FZR1: variants seen among roughly 807,000 people sequenced by gnomAD.
The protein encoded by FZR1 is fizzy and cell division cycle 20 related 1.
A neutral mutation model predicts 63.6 loss-of-function variants in FZR1; 11 were observed. The observed-to-expected ratio is 0.17, with a 90% CI of 0.11 to 0.29. FZR1 has a LOEUF of 0.29. Among genes scored for constraint, FZR1 ranks in the 10% least tolerant of loss-of-function variants. FZR1 has a pLI of 1.00. For missense variants in FZR1, 440 were observed against 687.5 expected (o/e 0.64, Z 4.03); for synonymous variants, 328 against 297.9 (o/e 1.10, Z -1.04).
At chr19:3,509,397 T>C (rs1170364728) in intron 1 of FZR1, among the ~76,000 whole-genome samples, 6 of 152,232 alleles carry the variant, frequency 3.9e-5, no homozygotes, top group Non-Finnish European at 8.8e-5. Flanking sequence ...CTCTCTTGGC[T>C]TCCTACTCCG....
intron 10 of FZR1, 80 bp downstream of exon 10, chr19:3,532,175 T>A: frequency 1.5e-6 from 2 of 1,357,074 alleles, no homozygotes; most frequent in Non-Finnish European, 2.0e-6. Context: ...GAGCCTGGGC[T>A]GGGGCGGGCG....
chr19:3,530,929 A>AC, intron 8 of FZR1, 72 bp downstream of exon 8: 1 of 1,215,902 alleles, frequency 8.2e-7, no homozygotes, highest in Admixed American at 1.9e-5. Flanking sequence ...GGCCTTGAAG[A>AC]CCCAGAGGGT....
rs1412226045 is a variant in FZR1, at chr19:3,536,463, TTAAA to T, written c.*1631_*1634del. 5 of 152,188 alleles carry T rather than the reference TTAAA, an allele frequency of 3.3e-5. No homozygotes were observed. The highest frequency in any genetic ancestry group is 3.3e-4 in the Admixed American group (5 of 15,286). The allele number at this position is 152,188 out of a possible 1,614,324, so 9.4% of individuals were successfully genotyped here. On this transcript the variant is annotated 3_prime_UTR_variant, in exon 14 of 14. Transcript: ENST00000441788. ...TCACGGTCTTACTGTTTCAAGGTTT[TTAAA>T]TAAGAAAACCAACCCTGCCTTCGCC...
chr19:3,508,751 G>A (rs958157254), intron 1 of FZR1, among the ~76,000 whole-genome samples: 4 of 152,218 alleles, frequency 2.6e-5, no homozygotes, highest in African/African-American at 9.6e-5. Context: ...CTGGCGCAAA[G>A]CTCTCCACTG....
At chr19:3,509,976 A>G (rs1482116456) in intron 1 of FZR1, among the ~76,000 whole-genome samples, 2 of 151,336 alleles carry the variant, frequency 1.3e-5, no homozygotes, top group East Asian at 3.9e-4. Context: ...TGGTGCCTCC[A>G]CTCGCCGGCT....
At position 3,514,506 on chromosome 19, in the gene FZR1, C is replaced by T. The variant is rs571266661; in HGVS notation, c.-35+8032C>T. The stretch of plus-strand genomic sequence containing the variant: ...GACAACCACAGATGTCCCCAGACAT[C>T]ACCATATATCATACCCTGGGGGCAG... On this transcript the variant is annotated intron_variant, in intron 1 of 13. Coordinates refer to ENST00000441788, the MANE Select transcript of FZR1 (RefSeq NM_016263.4). This position sits in a 1 kb window ranked among gnomAD's most constrained non-coding sequence, Gnocchi z 4.2. Among the ~76,000 whole-genome samples the T allele has an allele frequency of 2.0e-5, 3 of 152,232 alleles. No homozygotes were observed. The South Asian group carries it at 6.2e-4, about 32-fold the overall frequency.
chr19:3,518,895 T>A (rs1282971044), intron 1 of FZR1, among the ~76,000 whole-genome samples: 4 of 152,212 alleles, frequency 2.6e-5, no homozygotes, highest in Non-Finnish European at 2.9e-5. Flanking sequence ...TGGCAGCACA[T>A]GCCACCACCT....
chr19:3,507,590 C>T (rs900078590), intron 1 of FZR1, among the ~76,000 whole-genome samples: 1 of 152,222 alleles, frequency 6.6e-6, no homozygotes, highest in African/African-American at 2.4e-5. Context: ...GTGAGGCCCC[C>T]ACCCCAACCT....
intron 1 of FZR1, among the ~76,000 whole-genome samples, 188 bp downstream of exon 1, chr19:3,506,662 C>T (rs956203660): frequency 6.6e-6 from 1 of 151,732 alleles, no homozygotes; most frequent in Non-Finnish European, 1.5e-5. Flanking sequence ...TCAGCATCCG[C>T]GTCTCCCGAG....
intron 8 of FZR1, 44 bp from the exon 9 acceptor site, chr19:3,531,670 G>GGCCAGACCTGACACCGGTGCTCT: frequency 7.2e-7 from 1 of 1,398,012 alleles, no homozygotes; most frequent in Non-Finnish European, 9.9e-7. Flanking sequence ...ACAGTCCCCG[G>GGCCAGACCTGACACCGGTGCTCT]GCCAGACCTG....
At position 3,530,291 on chromosome 19, in the gene FZR1, C is replaced by T. The variant is rs866543425; in HGVS notation, c.655-501C>T. Among the ~76,000 whole-genome samples, 10 of 116,996 alleles carry T rather than the reference C, an allele frequency of 8.5e-5. No individual in the cohort carries two copies. The South Asian group carries it at 2.3e-3, about 27-fold the overall frequency. The allele number at this position is 116,996 out of a possible 152,430, so 76.8% of individuals were successfully genotyped here. A position where few individuals can be genotyped will look rare whatever the true frequency, so the allele number is the denominator to read the frequency against. ...GCGGATGGGAGAGCGGATGGGAGAG[C>T]GCAGGGGAGAGCGGAGGAGAGAGCG... On this transcript the variant is annotated intron_variant, in intron 7 of 13. Transcript: ENST00000441788.
In FZR1 at chr19:3,514,100, A is replaced by G. The variant is rs2083041790; in HGVS notation, c.-35+7626A>G. ...CCAGGGGAGACCTTGGGGGCTTTGC[A>G]TTGGTGCTGTTCCCAGGCCCTGTCT... On this transcript the variant is annotated intron_variant, in intron 1 of 13. Transcript: ENST00000441788. The surrounding 1 kb of genome is among the most constrained non-coding windows in gnomAD (Gnocchi z 4.2). 6.6e-6 allele frequency among the ~76,000 whole-genome samples: 1 copy of G among 152,116 alleles called. No individual in the cohort carries two copies. Among genetic ancestry groups the G allele is most frequent in the African/African-American group, 2.4e-5 (1 of 41,420 alleles).
chr19:3,530,283 TGGGAGAGCGCAG>T (rs1189406316), intron 7 of FZR1, among the ~76,000 whole-genome samples: 7 of 124,720 alleles, frequency 5.6e-5, no homozygotes, highest in Non-Finnish European at 8.4e-5. Flanking sequence ...GGAGAGCGGA[TGGGAGAGCGCAG>T]GGGAGAGCGG....
rs1442269416 is a variant in FZR1 at position 3,515,780 on chromosome 19, A to C, written c.-34-7176A>C. Among the ~76,000 whole-genome samples the C allele has an allele frequency of 6.6e-6, 1 of 151,752 alleles. No individual in the cohort carries two copies. Among genetic ancestry groups the C allele is most frequent in the Non-Finnish European group, 1.5e-5 (1 of 67,950 alleles). On this transcript the variant is annotated intron_variant, in intron 1 of 13. Coordinates refer to ENST00000441788, the MANE Select transcript of FZR1 (RefSeq NM_016263.4). This position sits in a 1 kb window ranked among gnomAD's most constrained non-coding sequence, Gnocchi z 4.6. ...GACTCCGTCTCTAAAAAAAAAAAAAAAAGGAATTCAAGAAGTACAAAACGA... is the reference window on the plus strand; with the variant it reads ...GACTCCGTCTCTAAAAAAAAAAAAACAAGGAATTCAAGAAGTACAAAACGA...
At chr19:3,534,329 C>G (rs1389212593) in intron 12 of FZR1, 92 bp from the exon 13 acceptor site, 1 of 686,636 alleles carries the variant, frequency 1.5e-6, no homozygotes, top group Non-Finnish European at 2.5e-6. Flanking sequence ...CCCAGCCACC[C>G]GACACCTTGC....
At chr19:3,524,245 C>A (rs2121954422) in intron 2 of FZR1, among the ~76,000 whole-genome samples, 1 of 152,332 alleles carries the variant, frequency 6.6e-6, no homozygotes, top group South Asian at 2.1e-4. Context: ...GCAGGCCCAG[C>A]AGTGCGTGGG....
intron 11 of FZR1, among the ~76,000 whole-genome samples, 169 bp downstream of exon 11, chr19:3,532,819 CTGGG>C (rs1261973381): frequency 6.6e-6 from 1 of 152,182 alleles, no homozygotes; most frequent in Non-Finnish European, 1.5e-5. Flanking sequence ...GGCAAGGCCC[CTGGG>C]CCTCATCAGG....
rs373404572 is a variant in FZR1, at chr19:3,531,835, A to G, written c.823+19A>G. 45 of 1,549,676 alleles carry G rather than the reference A, an allele frequency of 2.9e-5. No homozygotes were observed. The highest frequency in any genetic ancestry group is 2.7e-4 in the Admixed American group (14 of 50,996). ...CGCGTCGGTGAGGAGCCCGGGTCCC[A>G]TGGCTGGTGAGCTCCCTGAGGCCCC... On this transcript the variant is annotated intron_variant, in intron 9 of 13. Transcript: ENST00000441788.
In FZR1 at chr19:3,527,082, G is replaced by C. The variant is rs755842566; in HGVS notation, c.470+20G>C. 2 of 1,542,170 alleles carry C rather than the reference G, an allele frequency of 1.3e-6. No homozygotes were observed. The highest frequency in any genetic ancestry group is 9.0e-7 in the Non-Finnish European group (1 of 1,116,490). ...CAAGAGGTGGGTCCCAGCTTCCTCC[G>C]CAGCCCTCCCTACTCCCTGTCTCCC... On this transcript the variant is annotated intron_variant, in intron 6 of 13. Coordinates refer to ENST00000441788, the MANE Select transcript of FZR1 (RefSeq NM_016263.4).
Sources: allele counts gnomAD v4.1 joint callset (sites outside exome capture counted in the v4.1 genomes callset), GRCh38; gene constraint gnomAD v4.1.1; non-coding constraint Gnocchi (gnomAD v3.1); transcripts MANE v1.5; gene names NCBI Gene and HGNC (gene_info 2026-07-23, HGNC 2026-07-21).